Variants in TUBB4B observed in about 807,000 individuals in gnomAD.
TUBB4B encodes tubulin beta-4B chain.
Under a neutral mutation model 34.3 loss-of-function variants are expected in TUBB4B, and 7 were observed. That is an observed-to-expected ratio of 0.20 (90% CI 0.12 to 0.38). The LOEUF (loss-of-function observed/expected upper bound fraction) is 0.38. TUBB4B is among the 10% of genes least tolerant of loss of function. The pLI is 1.00. For synonymous variants in TUBB4B, 390 were observed against 250.2 expected, an observed-to-expected ratio of 1.56 and a Z score of -5.27; for missense variants, 178 against 610.9, an observed-to-expected ratio of 0.29 and a Z score of 7.47.
intron 1 of TUBB4B, 101 bp from the exon 2 acceptor site, chr9:137,241,620 G>C: frequency 8.7e-6 from 7 of 803,204 alleles, no homozygotes; most frequent in Non-Finnish European, 1.1e-5. Context: ...GGGGCGGGGA[G>C]GGCCGGGCTG....
chr9:137,242,052 T>C (rs1836757261), intron 3 of TUBB4B, 31 bp downstream of exon 3: 1 of 1,602,134 alleles, frequency 6.2e-7, no homozygotes, highest in Non-Finnish European at 8.5e-7. Flanking sequence ...GGGCGGCGGC[T>C]CAAAGGTCAA....
At chr9:137,242,044 G>C in intron 3 of TUBB4B, 23 bp downstream of exon 3, 1 of 1,607,138 alleles carries the variant, frequency 6.2e-7, no homozygotes, top group Non-Finnish European at 8.5e-7. Flanking sequence ...TGGGGACTGG[G>C]CGGCGGCTCA....
chr9:137,241,740 A>G lies in TUBB4B; in HGVS notation c.77A>G (p.Asp26Gly), dbSNP rs768166735. The G allele has an allele frequency of 1.2e-6, 2 of 1,611,726 alleles. No homozygotes were observed. The highest frequency in any genetic ancestry group is 2.2e-5 in the South Asian group (2 of 91,070). ...IGAKFWEVIS[D>G]EHGIDPTGTY... ...TTGTAGTTTTGGGAGGTGATCAGCG[A>G]TGAGCACGGCATCGACCCCACGGGC... Residue 26 changes from aspartate (D) to glycine (G), a missense_variant, in exon 2 of 4, where the codon GAT becomes GGT. Coordinates refer to ENST00000340384, the MANE Select transcript of TUBB4B (RefSeq NM_006088.6).
chr9:137,241,683 AGCCCCGGCCC>A (rs773310015), intron 1 of TUBB4B, 28 bp from the exon 2 acceptor site: 42 of 1,558,762 alleles, frequency 2.7e-5, no homozygotes, highest in South Asian at 3.4e-5. Context: ...GCGGTGACTC[AGCCCCGGCCC>A]GCCCGGGCCC....
In TUBB4B at chr9:137,242,695, C is replaced by T. The variant is rs375567728; in HGVS notation, c.477C>T (p.Tyr159=). 47 of 1,613,570 alleles carry T rather than the reference C, an allele frequency of 2.9e-5. No individual in the cohort carries two copies. The highest frequency in any genetic ancestry group is 4.5e-5 in the East Asian group (2 of 44,900). ...TLLISKIREE[Y]PDRIMNTFSV... ...TCATCAGCAAGATCCGGGAGGAGTA[C>T]CCAGACAGGATCATGAACACGTTTA... Residue 159 remains tyrosine (Y), a synonymous_variant, in exon 4 of 4, where the codon TAC becomes TAT. Transcript: ENST00000340384.
chr9:137,241,533 C>G (rs1037066231), intron 1 of TUBB4B, 116 bp downstream of exon 1: 55 of 994,256 alleles, frequency 5.5e-5, no homozygotes, highest in Admixed American at 1.1e-4. Flanking sequence ...CCGCCGGGCC[C>G]CCTCCGCGGG....
Position 137,241,706 on chromosome 9 carries a change from C to T in TUBB4B, c.58-15C>T, listed in dbSNP as rs374945225. On this transcript the variant is annotated splice_polypyrimidine_tract_variant and intron_variant, in intron 1 of 3. Coordinates refer to ENST00000340384, the MANE Select transcript of TUBB4B (RefSeq NM_006088.6). ...TCAGCCCCGGCCCGCCCGGGCCCGC[C>T]CGCGTCCCTTGTAGTTTTGGGAGGT... 5.0e-6 allele frequency: 8 copies of T among 1,606,924 alleles called. No individual in the cohort carries two copies. The highest frequency in any genetic ancestry group is 2.3e-5 in the East Asian group (1 of 44,440).
chr9:137,242,341 G>T, intron 3 of TUBB4B, 155 bp from the exon 4 acceptor site: 1 of 912,444 alleles, frequency 1.1e-6, no homozygotes, highest in Non-Finnish European at 1.6e-6. Flanking sequence ...TAGCAGGGCA[G>T]GCTGCCGTCT....
chr9:137,242,439 G>C, intron 3 of TUBB4B, 57 bp from the exon 4 acceptor site: 8 of 1,572,898 alleles, frequency 5.1e-6, no homozygotes, highest in Non-Finnish European at 6.9e-6. Flanking sequence ...TTCGCATGGC[G>C]GTGACCAGTA....
chr9:137,242,345 G>GCCGTCTTTTGGCTTTGAAGGGT (rs1483891197), intron 3 of TUBB4B, 151 bp from the exon 4 acceptor site: 1 of 934,442 alleles, frequency 1.1e-6, no homozygotes, highest in African/African-American at 1.7e-5. Flanking sequence ...AGGGCAGGCT[G>GCCGTCTTTTGGCTTTGAAGGGT]CCGTCTTTTG....
At chr9:137,242,292 GT>G (rs1250117094) in intron 3 of TUBB4B, 1 of 710,474 alleles carries the variant, frequency 1.4e-6, no homozygotes, top group African/African-American at 1.8e-5. Flanking sequence ...CCGGGGAGGG[GT>G]TTGTTAAGCT....
In TUBB4B at chr9:137,242,836, T is replaced by C. The variant is rs1286828939; in HGVS notation, c.618T>C (p.Ala206=). The change falls in exon 4 of 4, where the codon GCT becomes GCC. Residue 206 remains alanine (A), a synonymous_variant. Coordinates refer to ENST00000340384, the MANE Select transcript of TUBB4B (RefSeq NM_006088.6). ...TDETYCIDNE[A]LYDICFRTLK... ...AGACCTACTGCATTGATAACGAAGC[T>C]CTCTACGACATTTGCTTCAGAACCC... is the stretch of plus-strand genomic sequence containing the variant. The C allele has an allele frequency of 6.2e-7, 1 of 1,613,708 alleles. No homozygotes were observed. The highest frequency in any genetic ancestry group is 8.5e-7 in the Non-Finnish European group (1 of 1,180,006).
At chr9:137,242,118 C>T (rs796852734) in intron 3 of TUBB4B, 97 bp downstream of exon 3, 57 of 1,221,226 alleles carry the variant, frequency 4.7e-5, no homozygotes, top group Middle Eastern at 2.8e-4. Context: ...CCCTGGACGC[C>T]CTCCTCTTCT....
chr9:137,242,156 T>G, intron 3 of TUBB4B, 135 bp downstream of exon 3: 1 of 931,938 alleles, frequency 1.1e-6, no homozygotes, highest in South Asian at 1.7e-5. Flanking sequence ...CTCTACTAAA[T>G]CGGCTTTGGG....
Position 137,243,632 on chromosome 9 carries a change from C to T in TUBB4B, c.*76C>T, listed in dbSNP as rs1564427487. On this transcript the variant is annotated 3_prime_UTR_variant, in exon 4 of 4. Coordinates refer to ENST00000340384, the MANE Select transcript of TUBB4B (RefSeq NM_006088.6). ...CTCCCAGCCTGTCCTGTGGCCTGTC[C>T]CACTGTGTGCACTTGCTGTTTTCCC... 1.9e-6 allele frequency: 3 copies of T among 1,613,804 alleles called. No individual in the cohort carries two copies. The highest frequency in any genetic ancestry group is 2.5e-6 in the Non-Finnish European group (3 of 1,179,810).
Position 137,243,072 on chromosome 9 carries a change from C to G in TUBB4B, c.854C>G (p.Thr285Ser). Residue 285 changes from threonine to serine, a missense_variant, in exon 4 of 4, where the codon ACC becomes AGC. Thr to Ser is a moderately conservative substitution (Grantham distance 58). Coordinates refer to ENST00000340384, the MANE Select transcript of TUBB4B (RefSeq NM_006088.6). ...GGCAGCCAGCAGTACCGGGCGCTGA[C>G]CGTGCCCGAGCTCACCCAGCAGATG... Reference protein sequence around the residue: ...SRGSQQYRALTVPELTQQMFD... With the variant: ...SRGSQQYRALSVPELTQQMFD... 1 of 1,612,982 alleles carries G rather than the reference C, an allele frequency of 6.2e-7. No individual in the cohort carries two copies. Among genetic ancestry groups the G allele is most frequent in the Non-Finnish European group, 8.5e-7 (1 of 1,180,036 alleles).
chr9:137,243,333 C>T lies in TUBB4B; in HGVS notation c.1115C>T (p.Thr372Met), dbSNP rs772574996. 2 of 1,613,586 alleles carry T rather than the reference C, an allele frequency of 1.2e-6. No homozygotes were observed. Among genetic ancestry groups the T allele is most frequent in the Non-Finnish European group, 1.7e-6 (2 of 1,180,030 alleles). The change falls in exon 4 of 4, where the codon ACG becomes ATG. Residue 372 changes from threonine to methionine, a missense_variant. Thr to Met is a moderately conservative substitution (Grantham distance 81, BLOSUM62 -1). Coordinates refer to ENST00000340384, the MANE Select transcript of TUBB4B (RefSeq NM_006088.6). ...KMSATFIGNS[T>M]AIQELFKRIS... ...TCCGCCACCTTCATTGGCAACAGCA[C>T]GGCCATCCAGGAGCTGTTCAAGCGC... is the stretch of plus-strand genomic sequence containing the variant.
In TUBB4B at chr9:137,242,896, C is replaced by T. The variant is rs1240420776; in HGVS notation, c.678C>T (p.Asn226=). 4 of 1,613,108 alleles carry T rather than the reference C, an allele frequency of 2.5e-6. No homozygotes were observed. Among genetic ancestry groups the T allele is most frequent in the African/African-American group, 1.3e-5 (1 of 74,936 alleles). The change falls in exon 4 of 4, where the codon AAC becomes AAT. Residue 226 remains asparagine, a synonymous_variant. Transcript: ENST00000340384. ...KLTTPTYGDL[N]HLVSATMSGV... ...CCACGCCCACCTATGGTGACCTGAA[C>T]CACCTGGTGTCTGCTACCATGAGTG...
intron 3 of TUBB4B, 24 bp downstream of exon 3, chr9:137,242,045 C>T: frequency 3.7e-6 from 6 of 1,605,726 alleles, no homozygotes; most frequent in Non-Finnish European, 5.1e-6. Context: ...GGGGACTGGG[C>T]GGCGGCTCAA....
Sources: gnomAD v4.1 joint callset for allele counts on GRCh38, gnomAD v4.1.1 for gene constraint, MANE v1.5 for transcripts, NCBI Gene and HGNC (gene_info 2026-07-23, HGNC 2026-07-21) for gene names.